Variants in MAST2 observed in about 807,000 individuals in gnomAD.
The protein encoded by MAST2 is microtubule-associated serine/threonine-protein kinase 2.
Under a neutral mutation model 147.4 loss-of-function variants are expected in MAST2, and 70 were observed. That is an observed-to-expected ratio of 0.47 (90% CI 0.39 to 0.58). The LOEUF is 0.58. Among genes scored for constraint, MAST2 ranks in the 20% least tolerant of loss-of-function variants. MAST2 has a pLI of 0.00. For missense variants in MAST2, 2,080 were observed against 2,302.3 expected (o/e 0.90, Z 1.98); for synonymous variants, 869 against 896.8 (o/e 0.97, Z 0.55).
chr1:45,933,095 G>C (rs980858768), intron 4 of MAST2, among the ~76,000 whole-genome samples: 2 of 132,038 alleles, frequency 1.5e-5, no homozygotes, highest in Non-Finnish European at 3.2e-5. Context: ...AAAAGGCCAA[G>C]TGTGGTGGCA....
At chr1:45,933,549 G>A (rs922442025) in intron 4 of MAST2, among the ~76,000 whole-genome samples, 14 of 150,566 alleles carry the variant, frequency 9.3e-5, no homozygotes, top group Non-Finnish European at 8.8e-5. Context: ...AGACCAGCCT[G>A]GCTGACATGG....
intron 26 of MAST2, among the ~76,000 whole-genome samples, chr1:46,033,361 C>T (rs1439674561): frequency 6.6e-6 from 1 of 151,502 alleles, no homozygotes; most frequent in Admixed American, 6.6e-5. Context: ...AGTGCTTGAA[C>T]CCAGGAGGCA....
intron 5 of MAST2, among the ~76,000 whole-genome samples, chr1:45,969,262 G>A (rs975116484): frequency 2.0e-5 from 3 of 152,086 alleles, no homozygotes; most frequent in Non-Finnish European, 4.4e-5. Flanking sequence ...GTTAAAAGGT[G>A]GACGAGATGA....
At chr1:45,888,653 C>A (rs1038867551) in intron 4 of MAST2, among the ~76,000 whole-genome samples, 2 of 109,248 alleles carry the variant, frequency 1.8e-5, no homozygotes, top group East Asian at 2.9e-4. Context: ...TGAGCCACCG[C>A]GCGCGGCCTC....
chr1:45,834,480 A>G (rs532660339), intron 3 of MAST2, among the ~76,000 whole-genome samples: 1 of 152,286 alleles, frequency 6.6e-6, no homozygotes, highest in East Asian at 1.9e-4. Flanking sequence ...CCATATATGT[A>G]GGAACCATGA....
chr1:45,927,004 C>T (rs1019472225), intron 4 of MAST2, among the ~76,000 whole-genome samples: 28 of 151,964 alleles, frequency 1.8e-4, no homozygotes, highest in Non-Finnish European at 1.6e-4. Flanking sequence ...GGACAGAGTA[C>T]AAAAGAGAGA....
chr1:45,909,720 G>A (rs1651366236), intron 4 of MAST2, among the ~76,000 whole-genome samples: 1 of 152,180 alleles, frequency 6.6e-6, no homozygotes, highest in South Asian at 2.1e-4. Flanking sequence ...GGTTCACCAT[G>A]TTGACCAGGA....
intron 5 of MAST2, among the ~76,000 whole-genome samples, chr1:45,984,664 A>C (rs1436324353): frequency 1.3e-5 from 2 of 152,176 alleles, no homozygotes; most frequent in African/African-American, 4.8e-5. Context: ...ACCAAACCAC[A>C]GAAGGGTTTA....
At position 46,031,447 on chromosome 1, in the gene MAST2, G is replaced by T; in HGVS notation, c.3049G>T (p.Ala1017Ser). Residue 1017 changes from alanine (A) to serine (S), a missense_variant, in exon 24 of 29, where the codon GCC (alanine) becomes TCC (serine). This residue lies in a region of MAST2 where 1,278 missense variants were observed against 1,304.2 expected (regional missense o/e 0.98). Coordinates refer to ENST00000361297, the MANE Select transcript of MAST2 (RefSeq NM_015112.3). This position sits in a 1 kb window ranked among gnomAD's most constrained non-coding sequence, Gnocchi z 4.1. ...SQLAEGATAK[A>S]ISDLAVRRAR... Reference sequence around the variant, plus strand: ...GCTGGCTGAGGGAGCCACAGCCAAGGCCATCAGTGACCTGGCTGTGCGTAG... The same window carrying T: ...GCTGGCTGAGGGAGCCACAGCCAAGTCCATCAGTGACCTGGCTGTGCGTAG... 6.2e-7 allele frequency: 1 copy of T among 1,614,158 alleles called. No individual in the cohort carries two copies.
At chr1:45,846,430 G>C (rs370964462) in intron 3 of MAST2, among the ~76,000 whole-genome samples, 8 of 151,942 alleles carry the variant, frequency 5.3e-5, no homozygotes, top group African/African-American at 7.3e-5. Context: ...TGCTCCCCCC[G>C]GCCTGAAATT....
At chr1:45,898,064 G>C (rs1334728582) in intron 4 of MAST2, among the ~76,000 whole-genome samples, 1 of 150,836 alleles carries the variant, frequency 6.6e-6, no homozygotes, top group Non-Finnish European at 1.5e-5. Context: ...AGCCGAGATG[G>C]CTCCGCTGTA....
At chr1:45,804,295 G>T (rs1388036254) in intron 1 of MAST2, among the ~76,000 whole-genome samples, 2 of 152,098 alleles carry the variant, frequency 1.3e-5, no homozygotes, top group African/African-American at 4.8e-5. Context: ...AAAAATTGGT[G>T]CAAGAGATAG....
intron 4 of MAST2, among the ~76,000 whole-genome samples, chr1:45,891,618 A>G (rs1341479312): frequency 6.6e-6 from 1 of 152,190 alleles, no homozygotes. Context: ...TTTTATTGGA[A>G]ATATCTAGTA....
intron 5 of MAST2, among the ~76,000 whole-genome samples, chr1:45,968,726 G>A (rs1304458584): frequency 1.3e-5 from 2 of 151,710 alleles, no homozygotes; most frequent in African/African-American, 4.8e-5. Context: ...CTGAATTTAT[G>A]GCTTTGTGTC....
chr1:46,036,099 T>A lies in MAST2; in HGVS notation c.*33T>A. 1 of 1,542,350 alleles carries A rather than the reference T, an allele frequency of 6.5e-7. No homozygotes were observed. Among genetic ancestry groups the A allele is most frequent in the Non-Finnish European group, 8.8e-7 (1 of 1,141,788 alleles). ...TTGCCATTTCTTGCACTCAGACCTG[T>A]GTAATATATGCTCCTGGAAACCATC... On this transcript the variant is annotated 3_prime_UTR_variant, in exon 29 of 29. Transcript: ENST00000361297.
At chr1:45,832,305 CT>C (rs758899496) in intron 3 of MAST2, among the ~76,000 whole-genome samples, 400 of 143,398 alleles carry the variant, frequency 2.8e-3, no homozygotes, top group Middle Eastern at 3.7e-3. Flanking sequence ...TTCTTTCTTT[CT>C]TTTTTTTTTT....
chr1:46,035,399 G>A lies in MAST2; in HGVS notation c.4730G>A (p.Ser1577Asn). ...GGGCCTCCCAGAATGGAAAGTCCCA[G>A]TGGTCCCCACAGGAGGCTCGGGAGC... is the stretch of plus-strand genomic sequence containing the variant. ...TLGPPRMESP[S>N]GPHRRLGSPQ... The change falls in exon 29 of 29, where the codon AGT becomes AAT. Residue 1577 changes from serine to asparagine, a missense_variant. Physicochemically the swap from Ser to Asn is conservative, Grantham distance 46. Transcript: ENST00000361297. This position sits in a 1 kb window ranked among gnomAD's most constrained non-coding sequence, Gnocchi z 5.5. 1 of 1,612,608 alleles carries A rather than the reference G, an allele frequency of 6.2e-7. No individual in the cohort carries two copies. Among genetic ancestry groups the A allele is most frequent in the Non-Finnish European group, 8.5e-7 (1 of 1,179,510 alleles).
intron 4 of MAST2, among the ~76,000 whole-genome samples, chr1:45,901,967 T>C (rs929040363): frequency 5.9e-5 from 9 of 152,348 alleles, no homozygotes; most frequent in Admixed American, 3.9e-4. Flanking sequence ...GGATGCTTTT[T>C]ATTTTTTTCT....
chr1:46,033,063 G>A (rs1478951444), intron 26 of MAST2, among the ~76,000 whole-genome samples: 1 of 151,980 alleles, frequency 6.6e-6, no homozygotes, highest in East Asian at 1.9e-4. Flanking sequence ...TGGATCACCT[G>A]TGGTCAGGAG....
Sources: gnomAD v4.1 joint callset for allele counts (sites outside exome capture counted in the v4.1 genomes callset) on GRCh38, gnomAD v4.1.1 for gene constraint, gnomAD v4.1.1 regional missense constraint, Gnocchi (gnomAD v3.1) non-coding constraint, MANE v1.5 for transcripts, NCBI Gene and HGNC (gene_info 2026-07-23, HGNC 2026-07-21) for gene names.